The following MCF2L2 variants were observed in gnomAD, a reference collection of about 807,000 sequenced individuals.
The protein encoded by MCF2L2 is MCF.2 cell line derived transforming sequence-like 2, also known as probable guanine nucleotide exchange factor MCF2L2.
MCF2L2 carries 102 observed loss-of-function variants against 150.2 expected under a neutral mutation model. The observed-to-expected ratio is 0.68, with a 90% confidence interval of 0.58 to 0.80. The LOEUF is 0.80. Among genes scored for constraint, MCF2L2 ranks in the 30% least tolerant of loss-of-function variants. The pLI, the probability that MCF2L2 is intolerant of heterozygous loss-of-function variation, is 0.00. For missense variants in MCF2L2, 1,256 were observed against 1,372.8 expected (o/e 0.91, Z 1.34); for synonymous variants, 465 against 491.3 (o/e 0.95, Z 0.71).
chr3:183,361,565 C>G (rs1372851552), intron 3 of MCF2L2, among the ~76,000 whole-genome samples: 2 of 152,196 alleles, frequency 1.3e-5, no homozygotes, highest in Non-Finnish European at 2.9e-5. Flanking sequence ...TCCCCTTCGC[C>G]TTCCACTGTG....
intron 14 of MCF2L2, among the ~76,000 whole-genome samples, chr3:183,279,634 A>G (rs1013747994): frequency 6.6e-6 from 1 of 152,204 alleles, no homozygotes; most frequent in African/African-American, 2.4e-5. Flanking sequence ...TGGGAGGCCA[A>G]TCAGGCGGAA....
chr3:183,300,506 A>C (rs1389640331), intron 10 of MCF2L2, among the ~76,000 whole-genome samples: 1 of 152,212 alleles, frequency 6.6e-6, no homozygotes, highest in Non-Finnish European at 1.5e-5. Flanking sequence ...ATATCAACTA[A>C]ATTACACAAA....
intron 14 of MCF2L2, among the ~76,000 whole-genome samples, chr3:183,285,331 A>G (rs1490238107): frequency 2.0e-5 from 3 of 152,250 alleles, no homozygotes; most frequent in South Asian, 4.1e-4. Flanking sequence ...AAGAGATTAA[A>G]TAAGCTGCTG....
At chr3:183,362,915 T>C (rs1003244212) in intron 3 of MCF2L2, among the ~76,000 whole-genome samples, 8 of 152,178 alleles carry the variant, frequency 5.3e-5, no homozygotes, top group African/African-American at 1.7e-4. Flanking sequence ...AGAAATGTTA[T>C]CTAAAATATA....
intron 18 of MCF2L2, chr3:183,225,094 C>G (rs756460798): frequency 6.6e-6 from 1 of 152,462 alleles, no homozygotes; most frequent in Non-Finnish European, 1.5e-5. Context: ...CAGCCCAACT[C>G]TGGATTTCCT....
At chr3:183,276,506 G>C (rs1727160722) in intron 15 of MCF2L2, among the ~76,000 whole-genome samples, 1 of 152,190 alleles carries the variant, frequency 6.6e-6, no homozygotes, top group Admixed American at 6.5e-5. Flanking sequence ...CCTTTCTACA[G>C]AGCAAAAACA....
intron 3 of MCF2L2, among the ~76,000 whole-genome samples, chr3:183,363,400 A>C (rs1712331020): frequency 6.6e-6 from 1 of 152,264 alleles, no homozygotes. Context: ...ATAATTGCCA[A>C]AACTGAAAAT....
Position 183,270,525 on chromosome 3 carries a change from A to G in MCF2L2, c.1862+6347T>C. On this transcript the variant is annotated intron_variant, in intron 15 of 29. Coordinates refer to ENST00000328913, the MANE Select transcript of MCF2L2 (RefSeq NM_015078.4). This position sits in a 1 kb window ranked among gnomAD's most constrained non-coding sequence, Gnocchi z 4.5. ...CAGCAAATACTACGTGTCCTATGAA[A>G]TGTACCAGTGGCCAGCTTACCCTGA... 3 of 1,614,134 alleles carry G rather than the reference A, an allele frequency of 1.9e-6. No homozygotes were observed. Among genetic ancestry groups the G allele is most frequent in the Non-Finnish European group, 2.5e-6 (3 of 1,180,004 alleles).
intron 1 of MCF2L2, among the ~76,000 whole-genome samples, 172 bp from the exon 2 acceptor site, chr3:183,389,951 G>A (rs547324561): frequency 1.7e-3 from 265 of 152,286 alleles, no homozygotes; most frequent in Middle Eastern, 6.8e-3. Context: ...GCTGTATCTG[G>A]ATTTGTGTGC....
intron 27 of MCF2L2, among the ~76,000 whole-genome samples, chr3:183,191,698 C>T (rs1215612832): frequency 2.0e-5 from 3 of 152,248 alleles, no homozygotes; most frequent in South Asian, 2.1e-4. Flanking sequence ...TTAGCAACCT[C>T]GGTGTGTGAT....
At chr3:183,293,568 A>C (rs77297940) in intron 13 of MCF2L2, among the ~76,000 whole-genome samples, 2 of 152,358 alleles carry the variant, frequency 1.3e-5, no homozygotes, top group East Asian at 3.8e-4. Flanking sequence ...GAAATAGAAG[A>C]GAATTCCCTC....
At chr3:183,320,631 G>C (rs969802434) in intron 6 of MCF2L2, among the ~76,000 whole-genome samples, 3 of 152,132 alleles carry the variant, frequency 2.0e-5, no homozygotes, top group African/African-American at 7.2e-5. Flanking sequence ...AAATGTTGTG[G>C]GTGGTTTGAT....
At chr3:183,317,060 G>A (rs575654516) in intron 7 of MCF2L2, among the ~76,000 whole-genome samples, 101 of 152,246 alleles carry the variant, frequency 6.6e-4, no homozygotes, top group Non-Finnish European at 1.1e-3. Flanking sequence ...GGTGTTCCCT[G>A]TCACATGGAA....
At chr3:183,275,380 T>C (rs992068565) in intron 15 of MCF2L2, among the ~76,000 whole-genome samples, 1 of 152,204 alleles carries the variant, frequency 6.6e-6, no homozygotes, top group Non-Finnish European at 1.5e-5. Flanking sequence ...GATTAAACAG[T>C]TGCAGCAAAG....
Position 183,297,007 on chromosome 3 carries a change from T to G in MCF2L2, c.1466A>C (p.Glu489Ala). 2 of 1,613,946 alleles carry G rather than the reference T, an allele frequency of 1.2e-6. No individual in the cohort carries two copies. The highest frequency in any genetic ancestry group is 1.7e-6 in the Non-Finnish European group (2 of 1,179,954). Residue 489 changes from glutamate (E) to alanine (A), a missense_variant, in exon 12 of 30, where the codon GAG becomes GCG. Transcript: ENST00000328913. ...ATCGAGGGTGAGCAGCAACTCAAACTCGTTGTAAAACTCCTTGGGGCTGAG... is the reference window on the plus strand; with the variant it reads ...ATCGAGGGTGAGCAGCAACTCAAACGCGTTGTAAAACTCCTTGGGGCTGAG... Reference protein sequence around the residue: ...PLLSPKEFYNEFELLLTLDAK... With the variant: ...PLLSPKEFYNAFELLLTLDAK...
At position 183,300,138 on chromosome 3, in the gene MCF2L2, T is replaced by C. The variant is rs1728763216; in HGVS notation, c.1172A>G (p.His391Arg). The C allele has an allele frequency of 6.2e-7, 1 of 1,613,594 alleles. No homozygotes were observed. The highest frequency in any genetic ancestry group is 8.5e-7 in the Non-Finnish European group (1 of 1,179,920). Residue 391 changes from histidine (H) to arginine (R), a missense_variant, in exon 11 of 30, where the codon CAC (histidine) becomes CGC (arginine). Coordinates refer to ENST00000328913, the MANE Select transcript of MCF2L2 (RefSeq NM_015078.4). ...ALVGDQLIQSHHYAADAIRPR... is the reference protein window; with the variant it reads ...ALVGDQLIQSRHYAADAIRPR... Reference sequence around the variant, plus strand: ...CCTGATGGCATCTGCTGCATAATGGTGGCTTTGGATGAGCTGGTCCCCAAC... The same window carrying C: ...CCTGATGGCATCTGCTGCATAATGGCGGCTTTGGATGAGCTGGTCCCCAAC...
intron 15 of MCF2L2, chr3:183,265,261 T>A (rs1344936399): frequency 1.3e-5 from 2 of 152,232 alleles, no homozygotes; most frequent in East Asian, 3.8e-4. Flanking sequence ...TCTAGTCTGT[T>A]GATTGGCCAC....
intron 15 of MCF2L2, among the ~76,000 whole-genome samples, chr3:183,238,947 A>C (rs1723873453): frequency 6.8e-6 from 1 of 146,452 alleles, no homozygotes; most frequent in African/African-American, 2.5e-5. Context: ...CAGCGAGCCG[A>C]GATCACACCA....
chr3:183,401,194 A>G (rs1054144761), intron 1 of MCF2L2, among the ~76,000 whole-genome samples: 9 of 152,190 alleles, frequency 5.9e-5, no homozygotes, highest in African/African-American at 2.2e-4. Flanking sequence ...AGGATGATAT[A>G]CTCAGAGAGA....
Sources: allele counts gnomAD v4.1 joint callset (sites outside exome capture counted in the v4.1 genomes callset), GRCh38; gene constraint gnomAD v4.1.1; non-coding constraint Gnocchi (gnomAD v3.1); transcripts MANE v1.5; gene names NCBI Gene and HGNC (gene_info 2026-07-23, HGNC 2026-07-21).